KAZN: variants seen among roughly 807,000 people sequenced by gnomAD.
KAZN encodes the protein kazrin, periplakin interacting protein.
Under a neutral mutation model 87.4 loss-of-function variants are expected in KAZN, and 40 were observed. The observed-to-expected ratio is 0.46, with a 90% CI of 0.36 to 0.60. The LOEUF is 0.60. Ranked by LOEUF, KAZN falls within the 20% of genes least tolerant of loss-of-function variation. KAZN has a pLI of 0.00. For synonymous variants in KAZN, 466 were observed against 458.3 expected (o/e 1.02, Z -0.22); for missense variants, 898 against 1,073.9 (o/e 0.84, Z 2.29).
intron 2 of KAZN, among the ~76,000 whole-genome samples, chr1:15,003,798 G>T (rs969773168): frequency 6.6e-6 from 1 of 152,074 alleles, no homozygotes; most frequent in African/African-American, 2.4e-5. Flanking sequence ...TCTTCCCCAG[G>T]TGTGCCGTAA....
At chr1:14,255,883 G>A in intron 2 of KAZN, among the ~76,000 whole-genome samples, 1 of 152,176 alleles carries the variant, frequency 6.6e-6, no homozygotes, top group South Asian at 2.1e-4. Flanking sequence ...CCTCCAAAGT[G>A]TGCACTGCTG....
At chr1:14,391,727 C>T (rs6670155) in intron 2 of KAZN, among the ~76,000 whole-genome samples, 16,081 of 152,222 alleles carry the variant, frequency 0.11, 1,117 homozygotes, top group Non-Finnish European at 0.16. Flanking sequence ...GAGACACATA[C>T]AGGGGCCTTG....
chr1:14,023,017 G>A (rs1218988786), intron 1 of KAZN, among the ~76,000 whole-genome samples: 1 of 152,114 alleles, frequency 6.6e-6, no homozygotes, highest in Non-Finnish European at 1.5e-5. Context: ...CAGCCAAAAT[G>A]TCAACAGTAC....
chr1:15,084,486 G>A lies in KAZN; in HGVS notation c.1223-9694G>A, dbSNP rs574806756. ...AGAAAATAAGGGAAATCCCCAAGAC[G>A]TCTACAGACAAAAAACAAAAGCTGT... is the stretch of plus-strand genomic sequence containing the variant. On this transcript the variant is annotated intron_variant, in intron 8 of 14. Coordinates refer to ENST00000376030, the MANE Select transcript of KAZN (RefSeq NM_201628.3). Among the ~76,000 whole-genome samples the A allele has an allele frequency of 6.6e-5, 10 of 152,324 alleles. No homozygotes were observed. The South Asian group carries it at 8.3e-4, about 13-fold the overall frequency.
chr1:14,568,258 C>A (rs1006536555), intron 2 of KAZN, among the ~76,000 whole-genome samples: 1 of 152,146 alleles, frequency 6.6e-6, no homozygotes. Flanking sequence ...GACAAGTGAC[C>A]TTTAGGGGCT....
At chr1:14,913,711 G>A (rs1324601766) in intron 1 of KAZN, among the ~76,000 whole-genome samples, 1 of 152,252 alleles carries the variant, frequency 6.6e-6, no homozygotes, top group Non-Finnish European at 1.5e-5. Context: ...TAACCTGCCT[G>A]TGCAGGGGTG....
chr1:14,557,824 T>C (rs1674004572), intron 2 of KAZN, among the ~76,000 whole-genome samples: 1 of 152,170 alleles, frequency 6.6e-6, no homozygotes, highest in East Asian at 1.9e-4. Flanking sequence ...GCATGTCTGA[T>C]TAATATTTGT....
At chr1:14,945,572 C>T (rs1661665549) in intron 1 of KAZN, among the ~76,000 whole-genome samples, 2 of 152,196 alleles carry the variant, frequency 1.3e-5, no homozygotes, top group African/African-American at 4.8e-5. Context: ...GGCTCCCCGG[C>T]CCGGCTCCAG....
chr1:14,276,490 A>G lies in KAZN; in HGVS notation c.249+95898A>G, dbSNP rs1008958137. On this transcript the variant is annotated intron_variant, in intron 2 of 16. Coordinates refer to the KAZN transcript ENST00000636203. Reference sequence around the variant, plus strand: ...GCAGTTCTAGAGGCTGGAAGTCTGAAATCAAGGTGTCAGCAGGGTTGGTTC... The same window carrying G: ...GCAGTTCTAGAGGCTGGAAGTCTGAGATCAAGGTGTCAGCAGGGTTGGTTC... Among the ~76,000 whole-genome samples, 9 of 152,250 alleles carry G rather than the reference A, an allele frequency of 5.9e-5. No homozygotes were observed. The South Asian group carries it at 1.7e-3, about 28-fold the overall frequency.
At chr1:14,073,511 A>G (rs576770253) in intron 1 of KAZN, among the ~76,000 whole-genome samples, 7 of 152,232 alleles carry the variant, frequency 4.6e-5, no homozygotes, top group South Asian at 2.1e-4. Context: ...TCAACCTGTC[A>G]TCTACATTAG....
intron 1 of KAZN, among the ~76,000 whole-genome samples, chr1:14,133,892 C>T (rs906403952): frequency 5.9e-5 from 9 of 152,130 alleles, no homozygotes; most frequent in South Asian, 2.1e-4. Flanking sequence ...CCAGATGTGT[C>T]GCATCCTTTT....
At chr1:14,083,050 G>A (rs1288867483) in intron 1 of KAZN, among the ~76,000 whole-genome samples, 1 of 152,048 alleles carries the variant, frequency 6.6e-6, no homozygotes, top group Admixed American at 6.5e-5. Flanking sequence ...AAATTAGCCG[G>A]GTGTGGTGGC....
chr1:14,907,257 C>T (rs1344358735), intron 1 of KAZN, among the ~76,000 whole-genome samples: 2 of 151,764 alleles, frequency 1.3e-5, no homozygotes, highest in African/African-American at 4.8e-5. Flanking sequence ...AAACAATTAG[C>T]AGGGCATGGT....
chr1:14,234,731 T>A (rs1648238884), intron 2 of KAZN, among the ~76,000 whole-genome samples: 1 of 152,200 alleles, frequency 6.6e-6, no homozygotes, highest in Admixed American at 6.5e-5. Flanking sequence ...ACTAAATTTG[T>A]GCCAAATCTG....
chr1:14,608,663 G>T (rs1557833755), intron 1 of KAZN, among the ~76,000 whole-genome samples: 1 of 152,146 alleles, frequency 6.6e-6, no homozygotes, highest in Non-Finnish European at 1.5e-5. Context: ...ACTGGGTTTA[G>T]ATCTTGAATA....
rs115345858 is a variant in KAZN at position 14,390,979 on chromosome 1, T to C, written c.250-208004T>C. On this transcript the variant is annotated intron_variant, in intron 2 of 16. Transcript: ENST00000636203. Reference sequence around the variant, plus strand: ...AAAGGGCCAGGCCATTGTGAAGATATTGGCTTCGACTCAGAGTGAGGTGAA... The same window carrying C: ...AAAGGGCCAGGCCATTGTGAAGATACTGGCTTCGACTCAGAGTGAGGTGAA... Among the ~76,000 whole-genome samples the C allele has an allele frequency of 3.1e-3, 471 of 152,322 alleles. 1 individual carries two copies. Among genetic ancestry groups the C allele is most frequent in the African/African-American group, 9.8e-3 (406 of 41,572 alleles).
intron 1 of KAZN, among the ~76,000 whole-genome samples, chr1:14,724,644 C>T (rs1306167839): frequency 2.0e-5 from 3 of 152,244 alleles, no homozygotes; most frequent in Non-Finnish European, 4.4e-5. Context: ...GTTATTCCTA[C>T]TTGGTGTTCC....
intron 2 of KAZN, among the ~76,000 whole-genome samples, chr1:14,300,569 C>T (rs1017124939): frequency 6.6e-6 from 1 of 152,240 alleles, no homozygotes; most frequent in Middle Eastern, 3.4e-3. Context: ...TGATCTGAAA[C>T]ATACTTTCAA....
chr1:14,079,468 T>C (rs939359885), intron 1 of KAZN, among the ~76,000 whole-genome samples: 2 of 152,194 alleles, frequency 1.3e-5, no homozygotes, highest in African/African-American at 4.8e-5. Flanking sequence ...ATCAAATGAA[T>C]CTTTGGCCAG....
Sources: allele counts gnomAD v4.1 joint callset (sites outside exome capture counted in the v4.1 genomes callset), GRCh38; gene constraint gnomAD v4.1.1; transcripts MANE v1.5; gene names NCBI Gene and HGNC (gene_info 2026-07-23, HGNC 2026-07-21).